CLEC2D: variants seen among roughly 807,000 people sequenced by gnomAD.
CLEC2D encodes the protein C-type lectin domain family 2 member D, also known as C-type lectin related f.
In CLEC2D, 16 loss-of-function variants were observed where a neutral mutation model predicts 20.0. The observed-to-expected ratio is 0.80, with a 90% CI of 0.54 to 1.22. The LOEUF is 1.22. CLEC2D is among the 50% of genes most tolerant of loss of function. CLEC2D has a pLI of 0.00. For missense variants in CLEC2D, 207 were observed against 221.5 expected (o/e 0.93, Z 0.42); for synonymous variants, 77 against 71.1 (o/e 1.08, Z -0.42).
At position 9,695,290 on chromosome 12, in the gene CLEC2D, C is replaced by T; in HGVS notation, c.*416C>T. 5.5e-6 allele frequency: 4 copies of T among 727,640 alleles called. No homozygotes were observed. The highest frequency in any genetic ancestry group is 1.5e-5 in the South Asian group (1 of 68,854). 45.1% of individuals were successfully genotyped at this position (727,640 alleles called of 1,614,324 possible). On this transcript the variant is annotated 3_prime_UTR_variant, in exon 5 of 5. Coordinates refer to ENST00000290855, the MANE Select transcript of CLEC2D (RefSeq NM_013269.6). ...TGAGACAAGAACAGTATGGGGCTCCCTGGTGTGATTCCGTCCTGCGCGGCT... is the reference window on the plus strand; with the variant it reads ...TGAGACAAGAACAGTATGGGGCTCCTTGGTGTGATTCCGTCCTGCGCGGCT...
At chr12:9,679,274 C>T (rs1156752933) in intron 1 of CLEC2D, among the ~76,000 whole-genome samples, 2 of 151,868 alleles carry the variant, frequency 1.3e-5, no homozygotes, top group Non-Finnish European at 2.9e-5. Context: ...TATATTGTTC[C>T]TTTTTCATAT....
chr12:9,682,890 T>G (rs1194510886), intron 2 of CLEC2D, among the ~76,000 whole-genome samples: 1 of 151,618 alleles, frequency 6.6e-6, no homozygotes, highest in Non-Finnish European at 1.5e-5. Context: ...ACCCAGTATT[T>G]CTGGTTATAG....
At chr12:9,673,379 A>G (rs903719174) in intron 1 of CLEC2D, among the ~76,000 whole-genome samples, 1 of 152,248 alleles carries the variant, frequency 6.6e-6, no homozygotes, top group African/African-American at 2.4e-5. Flanking sequence ...TCACGTGGGT[A>G]TCACCAGTGG....
At chr12:9,671,325 G>A (rs773059161) in intron 1 of CLEC2D, among the ~76,000 whole-genome samples, 1 of 152,126 alleles carries the variant, frequency 6.6e-6, no homozygotes, top group Non-Finnish European at 1.5e-5. Flanking sequence ...CTGGGTTCAC[G>A]CCATTCTGCC....
At chr12:9,681,443 G>A (rs745903496) in intron 2 of CLEC2D, among the ~76,000 whole-genome samples, 1 of 152,154 alleles carries the variant, frequency 6.6e-6, no homozygotes, top group Non-Finnish European at 1.5e-5. Context: ...TAACATCACA[G>A]GCAGCCTGTT....
In CLEC2D at chr12:9,698,725, C is replaced by T. The variant is rs1178565562; in HGVS notation, c.*3851C>T. 1 of 152,154 alleles carries T rather than the reference C, an allele frequency of 6.6e-6. No individual in the cohort carries two copies. Among genetic ancestry groups the T allele is most frequent in the Non-Finnish European group, 1.5e-5 (1 of 68,012 alleles). 9.4% of individuals were successfully genotyped at this position (152,154 alleles called of 1,614,324 possible). ...ATTAATGGAGTAAAGAGACAACTTA[C>T]AGATTGGGAGAATATATTTCCAAAC... On this transcript the variant is annotated 3_prime_UTR_variant, in exon 5 of 5. Transcript: ENST00000290855.
intron 1 of CLEC2D, among the ~76,000 whole-genome samples, chr12:9,675,215 A>T: frequency 7.4e-6 from 1 of 134,906 alleles, no homozygotes; most frequent in East Asian, 2.1e-4. Flanking sequence ...TTTTTAAGAG[A>T]CGGAGTCTCA....
At position 9,699,057 on chromosome 12, in the gene CLEC2D, C is replaced by G. The variant is rs1198520363; in HGVS notation, c.*4183C>G. 1.3e-5 allele frequency: 2 copies of G among 152,174 alleles called. No homozygotes were observed. Among genetic ancestry groups the G allele is most frequent in the African/African-American group, 4.8e-5 (2 of 41,430 alleles). 9.4% of individuals were successfully genotyped at this position (152,174 alleles called of 1,614,324 possible). On this transcript the variant is annotated 3_prime_UTR_variant, in exon 5 of 5. Coordinates refer to ENST00000290855, the MANE Select transcript of CLEC2D (RefSeq NM_013269.6). ...TTCTCACAAACCATTGTCTTCTCTG[C>G]AAGCCCAGTAGACTTTGTCCCAGGC...
intron 3 of CLEC2D, 39 bp from the exon 4 acceptor site, chr12:9,692,789 T>C (rs941007592): frequency 8.0e-6 from 11 of 1,381,652 alleles, no homozygotes; most frequent in East Asian, 4.8e-5. Flanking sequence ...GGATGGGTTA[T>C]GTTAGATTAA....
chr12:9,695,898 G>A lies in CLEC2D; in HGVS notation c.*1024G>A. 1.8e-6 allele frequency: 2 copies of A among 1,105,928 alleles called. No homozygotes were observed. Among genetic ancestry groups the A allele is most frequent in the Non-Finnish European group, 2.7e-6 (2 of 731,068 alleles). 68.5% of individuals were successfully genotyped at this position (1,105,928 alleles called of 1,614,324 possible). On this transcript the variant is annotated 3_prime_UTR_variant, in exon 5 of 5. Transcript: ENST00000290855. ...AAGATGATGATGATGATGATGACGA[G>A]GAAGCTGAAGAAAAAGCGCCAGTGA...
At chr12:9,692,172 A>T (rs1031702870) in intron 3 of CLEC2D, among the ~76,000 whole-genome samples, 1 of 151,742 alleles carries the variant, frequency 6.6e-6, no homozygotes, top group African/African-American at 2.4e-5. Flanking sequence ...ATCTCACTCT[A>T]TTGCCCAGGC....
In CLEC2D at chr12:9,683,322, G is replaced by GTTTTTTTTTTTTTTTT. The variant is rs1226655704; in HGVS notation, c.172+2295_172+2296insTTTTTTTTTTTTTTTT. On this transcript the variant is annotated intron_variant, in intron 2 of 4. Coordinates refer to ENST00000290855, the MANE Select transcript of CLEC2D (RefSeq NM_013269.6). Reference sequence around the variant, plus strand: ...TGCCTGTTCACTCTGATGATAGTTTGTTTTTTGTGTTTGTTTTTTTTTTTT... The same window carrying GTTTTTTTTTTTTTTTT: ...TGCCTGTTCACTCTGATGATAGTTTGTTTTTTTTTTTTTTTTTTTTTTGTGTTTGTTTTTTTTTTTT... Among the ~76,000 whole-genome samples, 2 of 80,880 alleles carry GTTTTTTTTTTTTTTTT rather than the reference G, an allele frequency of 2.5e-5. 1 individual carries two copies. 53.1% of individuals were successfully genotyped at this position (80,880 alleles called of 152,430 possible).
At chr12:9,676,717 A>G (rs748764294) in intron 1 of CLEC2D, among the ~76,000 whole-genome samples, 25 of 152,148 alleles carry the variant, frequency 1.6e-4, no homozygotes, top group Non-Finnish European at 8.8e-5. Context: ...TCTCGGCTCT[A>G]ACTTCTAAAA....
chr12:9,692,502 A>G (rs1305447660), intron 3 of CLEC2D, among the ~76,000 whole-genome samples: 1 of 152,186 alleles, frequency 6.6e-6, no homozygotes, highest in African/African-American at 2.4e-5. Flanking sequence ...ACAGGTGCCA[A>G]GAATGTCATA....
chr12:9,691,108 A>AG (rs1156712260), intron 3 of CLEC2D, among the ~76,000 whole-genome samples: 1 of 152,156 alleles, frequency 6.6e-6, no homozygotes, highest in East Asian at 1.9e-4. Context: ...AGTAACCAAG[A>AG]TAGTGCCGAG....
intron 1 of CLEC2D, chr12:9,674,225 C>T (rs1019663649): frequency 6.6e-6 from 1 of 152,246 alleles, no homozygotes; most frequent in Admixed American, 6.5e-5. Flanking sequence ...GTGCTTGAGA[C>T]CCAGGGCCCT....
At chr12:9,694,300 C>T (rs1353246616) in intron 4 of CLEC2D, among the ~76,000 whole-genome samples, 7 of 152,034 alleles carry the variant, frequency 4.6e-5, no homozygotes, top group African/African-American at 7.3e-5. Flanking sequence ...AAATGCTGAC[C>T]TAAAATATCT....
chr12:9,678,524 G>A (rs769024138), intron 1 of CLEC2D, among the ~76,000 whole-genome samples: 5 of 151,858 alleles, frequency 3.3e-5, no homozygotes, highest in Non-Finnish European at 7.4e-5. Flanking sequence ...TTTGTTCTTT[G>A]TTTCTATTTT....
intron 1 of CLEC2D, among the ~76,000 whole-genome samples, chr12:9,680,621 A>G (rs771127804): frequency 1.1e-4 from 17 of 152,152 alleles, no homozygotes; most frequent in Admixed American, 3.3e-4. Flanking sequence ...ATAATTTGCT[A>G]TGTTGAATTT....
Sources: allele counts gnomAD v4.1 joint callset (sites outside exome capture counted in the v4.1 genomes callset), GRCh38; gene constraint gnomAD v4.1.1; transcripts MANE v1.5; gene names NCBI Gene and HGNC (gene_info 2026-07-23, HGNC 2026-07-21).